AOPEP: variants seen among roughly 807,000 people sequenced by gnomAD.
AOPEP encodes the protein aminopeptidase O (putative).
AOPEP carries 77 observed loss-of-function variants against 98.1 expected under a neutral mutation model. The ratio of observed to expected loss-of-function variants is 0.78; its 90% confidence interval spans 0.65 to 0.95. AOPEP has a LOEUF of 0.95. AOPEP is among the 40% of genes least tolerant of loss of function. The pLI is 0.00. For synonymous variants in AOPEP, 346 were observed against 365.3 expected, an observed-to-expected ratio of 0.95 and a Z score of 0.60; for missense variants, 1,024 against 1,024.7, an observed-to-expected ratio of 1.00 and a Z score of 0.01.
intron 5 of AOPEP, among the ~76,000 whole-genome samples, chr9:94,912,076 G>A (rs1056615452): frequency 3.9e-5 from 6 of 152,162 alleles, no homozygotes; most frequent in South Asian, 2.1e-4. Flanking sequence ...CTGACCTGAC[G>A]AGCTGTAAAA....
chr9:94,924,763 G>A (rs907945066), intron 6 of AOPEP, among the ~76,000 whole-genome samples: 3 of 151,702 alleles, frequency 2.0e-5, no homozygotes, highest in African/African-American at 7.3e-5. Flanking sequence ...AAGGAAGGAG[G>A]GCTCAATATA....
intron 11 of AOPEP, among the ~76,000 whole-genome samples, chr9:94,990,608 TA>T (rs1437814645): frequency 7.7e-6 from 1 of 129,978 alleles, no homozygotes; most frequent in African/African-American, 2.9e-5. Flanking sequence ...GCAGATTATT[TA>T]ATTTAATTAA....
intron 7 of AOPEP, among the ~76,000 whole-genome samples, chr9:94,937,140 C>T (rs1277811960): frequency 1.3e-5 from 2 of 152,214 alleles, no homozygotes; most frequent in African/African-American, 4.8e-5. Flanking sequence ...AAGTCCCAAC[C>T]CTCTAATGCT....
chr9:94,837,478 A>G (rs2041754202), intron 5 of AOPEP, among the ~76,000 whole-genome samples: 1 of 152,228 alleles, frequency 6.6e-6, no homozygotes, highest in Non-Finnish European at 1.5e-5. Flanking sequence ...GTAGTTCAGT[A>G]TCCCTGATGA....
At chr9:94,979,578 C>G in intron 11 of AOPEP, 151 bp downstream of exon 11, 2 of 580,956 alleles carry the variant, frequency 3.4e-6, no homozygotes, top group Non-Finnish European at 6.4e-6. Flanking sequence ...ACACTAGTCT[C>G]TCCCGCATTT....
intron 5 of AOPEP, among the ~76,000 whole-genome samples, chr9:94,816,191 G>A (rs1203681853): frequency 6.6e-6 from 1 of 152,058 alleles, no homozygotes; most frequent in African/African-American, 2.4e-5. Flanking sequence ...GATTAGCCTG[G>A]CCTTGTAGAT....
intron 11 of AOPEP, among the ~76,000 whole-genome samples, chr9:94,981,715 TTATAA>T (rs1199800485): frequency 1.3e-5 from 2 of 152,178 alleles, no homozygotes; most frequent in Non-Finnish European, 2.9e-5. Context: ...GTCCCCATCA[TTATAA>T]TATAAAGTTA....
At chr9:95,122,541 G>A in the AOPEP span, among the ~76,000 whole-genome samples, 1 of 152,140 alleles carries the variant, frequency 6.6e-6, no homozygotes, top group Non-Finnish European at 1.5e-5. Context: ...TTTGTTTTTG[G>A]ATCCCTGCCT....
intron 14 of AOPEP, among the ~76,000 whole-genome samples, chr9:95,067,430 C>T (rs1008669931): frequency 3.3e-5 from 5 of 152,200 alleles, no homozygotes; most frequent in African/African-American, 4.8e-5. Context: ...TTGCTGCAAC[C>T]TTGAACCACA....
the AOPEP span, among the ~76,000 whole-genome samples, chr9:95,104,017 GGA>G: frequency 8.7e-4 from 133 of 152,294 alleles, no homozygotes; most frequent in African/African-American, 3.1e-3. Context: ...TCCTGAGGGT[GGA>G]GAGACCCAAG....
At chr9:94,823,273 G>A (rs1853681151) in intron 5 of AOPEP, among the ~76,000 whole-genome samples, 1 of 152,208 alleles carries the variant, frequency 6.6e-6, no homozygotes, top group African/African-American at 2.4e-5. Flanking sequence ...TGGGATTACA[G>A]GCGTGAGCCA....
At chr9:95,017,301 A>G (rs936017711) in intron 13 of AOPEP, among the ~76,000 whole-genome samples, 10 of 152,208 alleles carry the variant, frequency 6.6e-5, no homozygotes, top group South Asian at 2.1e-4. Context: ...TGAGAACATC[A>G]TAGAGTATAC....
chr9:94,763,693 G>T (rs1348977098), intron 2 of AOPEP, among the ~76,000 whole-genome samples: 3 of 152,152 alleles, frequency 2.0e-5, no homozygotes, highest in Non-Finnish European at 2.9e-5. Context: ...AGAAAGTAAG[G>T]AAGCCCTCAA....
intron 5 of AOPEP, among the ~76,000 whole-genome samples, chr9:94,888,293 C>CTG (rs1465553293): frequency 7.6e-4 from 27 of 35,678 alleles, no homozygotes; most frequent in African/African-American, 2.0e-3. Flanking sequence ...AAGAACCTTA[C>CTG]CGTGTGTGTG....
the AOPEP span, chr9:95,107,645 G>A: frequency 5.2e-3 from 2,044 of 389,560 alleles, 35 homozygotes; most frequent in African/African-American, 0.039. Flanking sequence ...AAAGCCCCAC[G>A]CAGTCAGACC....
At chr9:94,833,861 A>C (rs879468136) in intron 5 of AOPEP, among the ~76,000 whole-genome samples, 4 of 152,096 alleles carry the variant, frequency 2.6e-5, no homozygotes, top group Admixed American at 2.6e-4. Context: ...TCTTTATAGA[A>C]TGTAGCTAAT....
At chr9:94,833,412 T>G (rs1434794984) in intron 5 of AOPEP, among the ~76,000 whole-genome samples, 2 of 151,728 alleles carry the variant, frequency 1.3e-5, no homozygotes, top group African/African-American at 4.8e-5. Context: ...TAATTTTGTA[T>G]TTTTAGTAGA....
chr9:94,890,143 T>C (rs535724725), intron 5 of AOPEP, among the ~76,000 whole-genome samples: 1 of 152,102 alleles, frequency 6.6e-6, no homozygotes, highest in South Asian at 2.1e-4. Context: ...TTCTCCTGCC[T>C]CAGCCTCCCG....
At chr9:95,123,616 G>A in the AOPEP span, 1 of 602,062 alleles carries the variant, frequency 1.7e-6, no homozygotes, top group South Asian at 1.4e-5. Flanking sequence ...GTGTGCCCAA[G>A]GACAAGGCTA....
Sources: gnomAD v4.1 joint callset for allele counts (sites outside exome capture counted in the v4.1 genomes callset) on GRCh38, gnomAD v4.1.1 for gene constraint, MANE v1.5 for transcripts, NCBI Gene and HGNC (gene_info 2026-07-23, HGNC 2026-07-21) for gene names.